Variants in C2orf42 observed in about 807,000 individuals in gnomAD.
The protein encoded by C2orf42 is chromosome 2 open reading frame 42, also known as uncharacterized protein C2orf42.
In C2orf42, 44 loss-of-function variants were observed where a neutral mutation model predicts 58.9. That is an observed-to-expected ratio of 0.75 (90% confidence interval 0.59 to 0.96). C2orf42 has a LOEUF of 0.96. C2orf42 is among the 40% of genes least tolerant of loss of function. C2orf42 has a pLI of 0.00. For synonymous variants in C2orf42, 239 were observed against 265.4 expected, an observed-to-expected ratio of 0.90 and a Z score of 0.97; for missense variants, 630 against 699.2, an observed-to-expected ratio of 0.90 and a Z score of 1.12.
chr2:70,152,208 G>C (rs1418321695), intron 9 of C2orf42, among the ~76,000 whole-genome samples: 5 of 152,256 alleles, frequency 3.3e-5, no homozygotes, highest in South Asian at 2.1e-4. Flanking sequence ...GATATGATGA[G>C]AAACAAAGCA....
chr2:70,173,256 G>A (rs897191865), intron 5 of C2orf42, among the ~76,000 whole-genome samples: 3 of 149,218 alleles, frequency 2.0e-5, no homozygotes, highest in Non-Finnish European at 3.0e-5. Flanking sequence ...GAATGCCTAA[G>A]TGCGTAAGTT....
chr2:70,161,127 C>T (rs1673027221), intron 8 of C2orf42, among the ~76,000 whole-genome samples: 1 of 152,146 alleles, frequency 6.6e-6, no homozygotes. Context: ...CTGCTAGCAG[C>T]ATTCTTCTCT....
rs1224282605 is a variant in C2orf42, at chr2:70,181,581, G to A, written c.405C>T (p.His135=). Residue 135 remains histidine, a synonymous_variant, in exon 3 of 10, where the codon CAC becomes CAT. Coordinates refer to ENST00000264434, the MANE Select transcript of C2orf42 (RefSeq NM_017880.3). ...CCTGGCAGTTCACCGCCAGCTTGAT[G>A]TGCTGGCACTGGTTTTCCACAACGC... The part of the protein sequence containing the change: ...TQGVVENQCQ[H]IKLAVNCQAE... 10 of 1,613,978 alleles carry A rather than the reference G, an allele frequency of 6.2e-6. No homozygotes were observed. Among genetic ancestry groups the A allele is most frequent in the Non-Finnish European group, 8.5e-6 (10 of 1,180,030 alleles).
chr2:70,166,503 T>TAAAAA (rs758706026), intron 6 of C2orf42, among the ~76,000 whole-genome samples: 1 of 93,114 alleles, frequency 1.1e-5, no homozygotes, highest in African/African-American at 4.0e-5. Context: ...CCATCTCTAC[T>TAAAAA]AAAAAAAAAA....
chr2:70,187,259 T>C (rs1370898522), intron 1 of C2orf42, among the ~76,000 whole-genome samples: 1 of 152,204 alleles, frequency 6.6e-6, no homozygotes, highest in South Asian at 2.1e-4. Context: ...ACTTTTGTTG[T>C]TGTTGTTGAC....
chr2:70,178,033 T>C (rs532791003), intron 4 of C2orf42, among the ~76,000 whole-genome samples: 9 of 152,104 alleles, frequency 5.9e-5, no homozygotes, highest in Non-Finnish European at 1.2e-4. Context: ...GAGTGAGAAC[T>C]CATCTCTTAA....
chr2:70,150,685 G>T, intron 9 of C2orf42, 121 bp from the exon 10 acceptor site: 1 of 667,288 alleles, frequency 1.5e-6, no homozygotes, highest in Non-Finnish European at 2.7e-6. Flanking sequence ...AAGGCCGAAT[G>T]AGGTTTATAA....
intron 8 of C2orf42, among the ~76,000 whole-genome samples, chr2:70,162,002 T>C (rs917850387): frequency 6.6e-6 from 1 of 151,808 alleles, no homozygotes; most frequent in African/African-American, 2.4e-5. Context: ...CCACCAGGCC[T>C]CACTTTTTCT....
At chr2:70,187,022 G>A (rs1246178162) in intron 1 of C2orf42, among the ~76,000 whole-genome samples, 15 of 152,004 alleles carry the variant, frequency 9.9e-5, no homozygotes, top group Non-Finnish European at 4.4e-5. Context: ...GTTAGTGGGT[G>A]CAGCACACCA....
chr2:70,184,953 G>T (rs1396037047), intron 1 of C2orf42, among the ~76,000 whole-genome samples: 1 of 151,868 alleles, frequency 6.6e-6, no homozygotes, highest in African/African-American at 2.4e-5. Context: ...AGCCGGGCGT[G>T]GTGGCGGGCA....
Position 70,181,978 on chromosome 2 carries a change from G to A in C2orf42, c.8C>T (p.Pro3Leu). 1.2e-6 allele frequency: 2 copies of A among 1,603,368 alleles called. No individual in the cohort carries two copies. The highest frequency in any genetic ancestry group is 2.2e-5 in the South Asian group (2 of 90,674). Residue 3 changes from proline to leucine, a missense_variant, in exon 3 of 10, where the codon CCA becomes CTA. Coordinates refer to ENST00000264434, the MANE Select transcript of C2orf42 (RefSeq NM_017880.3). The part of the protein sequence containing the change: ME[P>L]NSLRTKVPAF... ...TGGGACTTTAGTCCTCAGAGAATTT[G>A]GTTCCATTTTTCAGAGGCCCTACAA...
At position 70,164,240 on chromosome 2, in the gene C2orf42, T is replaced by C. The variant is rs1369395914; in HGVS notation, c.1353+852A>G. Among the ~76,000 whole-genome samples, 3 of 150,592 alleles carry C rather than the reference T, an allele frequency of 2.0e-5. No individual in the cohort carries two copies. The South Asian group carries it at 6.3e-4, about 32-fold the overall frequency. On this transcript the variant is annotated intron_variant, in intron 8 of 9. Transcript: ENST00000264434. The stretch of plus-strand genomic sequence containing the variant: ...ATCACTTGATCCCAAGAGGTGGAGG[T>C]AGAGTGAGCCGTGACTGCACCACTG...
rs148447702 is a variant in C2orf42 at position 70,151,695 on chromosome 2, T to G, written c.1517-1131A>C. On this transcript the variant is annotated intron_variant, in intron 9 of 9. Transcript: ENST00000264434. ...TGGATTAATTAATGTATATACATTT[T>G]TATATTATAAAAATTAACAATGTAT... 8.2e-3 allele frequency among the ~76,000 whole-genome samples: 1,248 copies of G among 152,214 alleles called. 18 individuals are homozygous for G. Among genetic ancestry groups the G allele is most frequent in the African/African-American group, 0.028 (1,150 of 41,522 alleles).
intron 8 of C2orf42, 65 bp downstream of exon 8, chr2:70,165,027 T>C: frequency 1.3e-6 from 1 of 790,448 alleles, no homozygotes; most frequent in Non-Finnish European, 2.1e-6. Flanking sequence ...GCAAATATAG[T>C]CCCTGTACTT....
At chr2:70,154,699 ATAACTTACC>A (rs1328537298) in intron 9 of C2orf42, among the ~76,000 whole-genome samples, 1 of 152,184 alleles carries the variant, frequency 6.6e-6, no homozygotes, top group Non-Finnish European at 1.5e-5. Flanking sequence ...AATCTTACCT[ATAACTTACC>A]TAACTTACAT....
In C2orf42 at chr2:70,167,416, G is replaced by A. The variant is rs148866663; in HGVS notation, c.1145-1781C>T. Among the ~76,000 whole-genome samples the A allele has an allele frequency of 4.4e-3, 665 of 151,834 alleles. 2 individuals carry two copies. The highest frequency in any genetic ancestry group is 7.2e-3 in the Admixed American group (110 of 15,208). ...TTAGGTCAACAAAAAGAGTTAAGGG[G>A]AGGGGGTCAAGTGAGTTCAGTCTTT... On this transcript the variant is annotated intron_variant, in intron 6 of 9. Transcript: ENST00000264434.
intron 5 of C2orf42, among the ~76,000 whole-genome samples, chr2:70,174,235 A>G (rs1674033695): frequency 6.6e-6 from 1 of 152,084 alleles, no homozygotes; most frequent in African/African-American, 2.4e-5. Context: ...TTGAACCCAG[A>G]GGCGGAGGTT....
At chr2:70,152,442 A>G (rs899775171) in intron 9 of C2orf42, among the ~76,000 whole-genome samples, 1 of 152,202 alleles carries the variant, frequency 6.6e-6, no homozygotes, top group Admixed American at 6.6e-5. Flanking sequence ...GAACACTAAG[A>G]CTACTGGCAG....
At chr2:70,166,932 C>T (rs774579739) in intron 6 of C2orf42, among the ~76,000 whole-genome samples, 2 of 152,198 alleles carry the variant, frequency 1.3e-5, no homozygotes, top group Non-Finnish European at 2.9e-5. Context: ...CATGCTCTCT[C>T]ACCCGATGGT....
Sources: allele counts gnomAD v4.1 joint callset (sites outside exome capture counted in the v4.1 genomes callset), GRCh38; gene constraint gnomAD v4.1.1; transcripts MANE v1.5; gene names NCBI Gene and HGNC (gene_info 2026-07-23, HGNC 2026-07-21).